Variants in HS6ST3 observed in about 807,000 individuals in gnomAD.
HS6ST3 encodes the protein heparan-sulfate 6-O-sulfotransferase 3.
A neutral mutation model predicts 36.7 loss-of-function variants in HS6ST3; 12 were observed. That is an observed-to-expected ratio of 0.33 (90% CI 0.21 to 0.53). The LOEUF (loss-of-function observed/expected upper bound fraction) is 0.53. Among genes scored for constraint, HS6ST3 ranks in the 20% least tolerant of loss-of-function variants. The pLI, the probability that HS6ST3 is intolerant of heterozygous loss-of-function variation, is 0.95. For missense variants in HS6ST3, 584 were observed against 640.9 expected (o/e 0.91, Z 0.96); for synonymous variants, 240 against 257.5 (o/e 0.93, Z 0.65).
intron 1 of HS6ST3, among the ~76,000 whole-genome samples, chr13:96,224,792 C>T (rs1242688376): frequency 6.6e-6 from 1 of 152,298 alleles, no homozygotes; most frequent in African/African-American, 2.4e-5. Context: ...ATGCTGTAGA[C>T]CAGTGATCCT....
intron 1 of HS6ST3, among the ~76,000 whole-genome samples, chr13:96,352,082 T>A (rs1216241019): frequency 6.6e-6 from 1 of 152,222 alleles, no homozygotes; most frequent in African/African-American, 2.4e-5. Flanking sequence ...GTAGAAATAT[T>A]CAATAATATG....
chr13:96,191,848 A>C (rs1239690007), intron 1 of HS6ST3, among the ~76,000 whole-genome samples: 1 of 152,252 alleles, frequency 6.6e-6, no homozygotes, highest in African/African-American at 2.4e-5. Context: ...TATGCTGTAT[A>C]AAAGCTAGCT....
At chr13:96,780,138 C>A (rs566779841) in intron 1 of HS6ST3, among the ~76,000 whole-genome samples, 12 of 151,814 alleles carry the variant, frequency 7.9e-5, no homozygotes, top group Non-Finnish European at 1.6e-4. Context: ...AGGGGAAGTA[C>A]CAAAGAAAAA....
chr13:96,462,078 C>T (rs1007469058), intron 1 of HS6ST3, among the ~76,000 whole-genome samples: 22 of 152,072 alleles, frequency 1.4e-4, no homozygotes, highest in African/African-American at 5.3e-4. Context: ...TTTTGTTTTT[C>T]AGGCAGGGTC....
intron 1 of HS6ST3, among the ~76,000 whole-genome samples, chr13:96,369,487 T>C (rs2055279224): frequency 6.6e-6 from 1 of 152,192 alleles, no homozygotes; most frequent in Admixed American, 6.5e-5. Flanking sequence ...TCACCATGTT[T>C]TGAGCTGCCA....
intron 1 of HS6ST3, among the ~76,000 whole-genome samples, chr13:96,724,111 CA>C (rs1414871253): frequency 6.6e-6 from 1 of 152,148 alleles, no homozygotes; most frequent in Non-Finnish European, 1.5e-5. Flanking sequence ...GTATCTTTCA[CA>C]ACACTCTGGA....
At chr13:96,570,122 C>T (rs2056295810) in intron 1 of HS6ST3, among the ~76,000 whole-genome samples, 1 of 152,128 alleles carries the variant, frequency 6.6e-6, no homozygotes, top group Non-Finnish European at 1.5e-5. Flanking sequence ...TAATTACAGG[C>T]ACATTAGGGA....
intron 1 of HS6ST3, among the ~76,000 whole-genome samples, chr13:96,537,480 A>C (rs1160594118): frequency 6.6e-6 from 1 of 152,156 alleles, no homozygotes; most frequent in Non-Finnish European, 1.5e-5. Flanking sequence ...AATTAATTCC[A>C]TGTTAATCCC....
In HS6ST3 at chr13:96,421,361, A is replaced by G. The variant is rs567336208; in HGVS notation, c.707+329792A>G. The stretch of plus-strand genomic sequence containing the variant: ...AAATTTAGTTATTGTCAATGCCCCA[A>G]ATCTTCAGGGGAGGGAAAAGATCTG... On this transcript the variant is annotated intron_variant, in intron 1 of 1. Coordinates refer to ENST00000376705, the MANE Select transcript of HS6ST3 (RefSeq NM_153456.4). Among the ~76,000 whole-genome samples the G allele has an allele frequency of 2.6e-5, 4 of 152,298 alleles. No homozygotes were observed. The East Asian group carries it at 7.7e-4, about 29-fold the overall frequency.
chr13:96,525,965 C>T (rs113348922), intron 1 of HS6ST3, among the ~76,000 whole-genome samples: 3 of 152,264 alleles, frequency 2.0e-5, no homozygotes, highest in African/African-American at 7.2e-5. Context: ...ATTCCCAGGA[C>T]ATTGTATAGA....
chr13:96,375,603 T>C (rs1026498873), intron 1 of HS6ST3, among the ~76,000 whole-genome samples: 1 of 152,170 alleles, frequency 6.6e-6, no homozygotes, highest in Non-Finnish European at 1.5e-5. Flanking sequence ...TATAGCAGGG[T>C]GCTTATTTTG....
chr13:96,559,723 C>CA, intron 1 of HS6ST3, among the ~76,000 whole-genome samples: 1 of 146,574 alleles, frequency 6.8e-6, no homozygotes. Flanking sequence ...GCAGATTATT[C>CA]TTTTTTTTTT....
At chr13:96,418,444 G>A (rs879895477) in intron 1 of HS6ST3, among the ~76,000 whole-genome samples, 3 of 152,154 alleles carry the variant, frequency 2.0e-5, no homozygotes, top group Non-Finnish European at 4.4e-5. Flanking sequence ...CTTCTGTCTT[G>A]CTCAGTGAGT....
intron 1 of HS6ST3, among the ~76,000 whole-genome samples, chr13:96,269,208 T>G (rs1029820912): frequency 6.6e-6 from 1 of 151,930 alleles, no homozygotes; most frequent in African/African-American, 2.4e-5. Context: ...GGGTCAAAGT[T>G]TTATGGTTTT....
chr13:96,691,407 A>G (rs993070766), intron 1 of HS6ST3, among the ~76,000 whole-genome samples: 2 of 152,220 alleles, frequency 1.3e-5, no homozygotes, highest in South Asian at 4.1e-4. Flanking sequence ...TACCACTGGT[A>G]GTCATATATA....
chr13:96,584,587 A>G (rs1443704500), intron 1 of HS6ST3, among the ~76,000 whole-genome samples: 1 of 152,208 alleles, frequency 6.6e-6, no homozygotes, highest in Non-Finnish European at 1.5e-5. Context: ...AATGCATGCC[A>G]AATAACCTAA....
chr13:96,335,114 G>A (rs1219296203), intron 1 of HS6ST3, among the ~76,000 whole-genome samples: 1 of 152,082 alleles, frequency 6.6e-6, no homozygotes. Context: ...GAGGGTGTTT[G>A]TTGTTACTAA....
chr13:96,242,504 C>T (rs1026224271), intron 1 of HS6ST3, among the ~76,000 whole-genome samples: 3 of 152,170 alleles, frequency 2.0e-5, no homozygotes, highest in African/African-American at 7.2e-5. Context: ...CAGGCGTGAG[C>T]CACTGTGCCC....
chr13:96,698,269 C>T (rs1170036699), intron 1 of HS6ST3, among the ~76,000 whole-genome samples: 2 of 152,088 alleles, frequency 1.3e-5, no homozygotes, highest in African/African-American at 4.8e-5. Context: ...TTGTTCAATT[C>T]CCACCTACGA....
Sources: gnomAD v4.1 joint callset for allele counts (sites outside exome capture counted in the v4.1 genomes callset) on GRCh38, gnomAD v4.1.1 for gene constraint, MANE v1.5 for transcripts, NCBI Gene and HGNC (gene_info 2026-07-23, HGNC 2026-07-21) for gene names.